Variants in CTXND2 observed in about 807,000 individuals in gnomAD.
CTXND2 encodes cortexin domain containing 2.
At chr1:150,900,070 G>T (rs1031169395) in intron 1 of CTXND2, among the ~76,000 whole-genome samples, 1 of 152,114 alleles carries the variant, frequency 6.6e-6, no homozygotes, top group African/African-American at 2.4e-5. Context: ...AAAGCTGGCC[G>T]CCTGAGCCAG....
At chr1:150,894,845 G>A (rs2102595204) in intron 1 of CTXND2, among the ~76,000 whole-genome samples, 1 of 152,108 alleles carries the variant, frequency 6.6e-6, no homozygotes, top group East Asian at 1.9e-4. Context: ...AGACCAGCCT[G>A]GCCAACATGG....
At chr1:150,899,441 TA>T (rs1310585779) in intron 1 of CTXND2, among the ~76,000 whole-genome samples, 2 of 151,970 alleles carry the variant, frequency 1.3e-5, no homozygotes, top group Admixed American at 6.6e-5. Context: ...TCTGTATTTT[TA>T]AAAATTTAAA....
chr1:150,912,658 T>C (rs1669275565), exon 2 of CTXND2: 2 of 393,160 alleles, frequency 5.1e-6, no homozygotes, highest in South Asian at 1.4e-4. Context: ...TAAAGTGAGA[T>C]AAAGGTTGAA....
At chr1:150,900,898 T>C (rs1319461837) in intron 1 of CTXND2, among the ~76,000 whole-genome samples, 3 of 152,070 alleles carry the variant, frequency 2.0e-5, no homozygotes, top group Non-Finnish European at 4.4e-5. Flanking sequence ...GAGGATCACT[T>C]AAGTCCAGGA....
At chr1:150,909,923 G>A (rs1368994587) in intron 1 of CTXND2, among the ~76,000 whole-genome samples, 1 of 152,094 alleles carries the variant, frequency 6.6e-6, no homozygotes, top group East Asian at 1.9e-4. Flanking sequence ...CAGGAACTCA[G>A]GAGGCCAAGA....
chr1:150,908,583 C>T (rs1349833669), intron 1 of CTXND2, among the ~76,000 whole-genome samples: 1 of 152,024 alleles, frequency 6.6e-6, no homozygotes, highest in Non-Finnish European at 1.5e-5. Flanking sequence ...AATTTCTATT[C>T]ATATCCTTTG....
intron 1 of CTXND2, among the ~76,000 whole-genome samples, chr1:150,895,407 G>A (rs750503837): frequency 6.6e-6 from 1 of 151,566 alleles, no homozygotes; most frequent in African/African-American, 2.4e-5. Context: ...GCAGAGACGC[G>A]ATCTCAGCTC....
intron 1 of CTXND2, among the ~76,000 whole-genome samples, chr1:150,904,555 G>C (rs1409939538): frequency 6.6e-6 from 1 of 152,126 alleles, no homozygotes; most frequent in East Asian, 1.9e-4. Context: ...TATATAACTG[G>C]TTATGTGAAT....
At chr1:150,893,831 T>C (rs1487500955) in intron 1 of CTXND2, among the ~76,000 whole-genome samples, 8 of 152,098 alleles carry the variant, frequency 5.3e-5, no homozygotes, top group Non-Finnish European at 1.0e-4. Context: ...GTGGGGGTTA[T>C]TTATGTCCTA....
intron 1 of CTXND2, among the ~76,000 whole-genome samples, chr1:150,896,117 T>G (rs779439967): frequency 6.6e-6 from 1 of 152,190 alleles, no homozygotes; most frequent in Non-Finnish European, 1.5e-5. Context: ...TCTTTTTTCC[T>G]CTGGAAAGGA....
At chr1:150,911,582 G>A (rs187407917) in intron 1 of CTXND2, among the ~76,000 whole-genome samples, 35 of 151,908 alleles carry the variant, frequency 2.3e-4, no homozygotes, top group African/African-American at 6.5e-4. Flanking sequence ...ACAGGTGCCC[G>A]CCATCACACC....
intron 1 of CTXND2, among the ~76,000 whole-genome samples, chr1:150,907,010 A>G (rs1208631898): frequency 6.6e-6 from 1 of 152,184 alleles, no homozygotes; most frequent in Non-Finnish European, 1.5e-5. Flanking sequence ...ACAGTTGGCC[A>G]CAGCTGATTC....
chr1:150,894,393 G>A (rs1310386007), intron 1 of CTXND2, among the ~76,000 whole-genome samples: 1 of 152,144 alleles, frequency 6.6e-6, no homozygotes, highest in East Asian at 1.9e-4. Flanking sequence ...AATCAAGCTT[G>A]TTAATTGTAT....
chr1:150,909,170 A>G (rs1081513), intron 1 of CTXND2, among the ~76,000 whole-genome samples: 147,272 of 149,236 alleles, frequency 0.99, 72,704 homozygotes, highest in East Asian at 1. Context: ...CCTGGGAGGC[A>G]GAGGTTGCAG....
chr1:150,900,984 C>T (rs1485565785), intron 1 of CTXND2, among the ~76,000 whole-genome samples: 2 of 152,104 alleles, frequency 1.3e-5, no homozygotes, highest in African/African-American at 2.4e-5. Flanking sequence ...TGGTGGCATG[C>T]ACCTGTAGTC....
At chr1:150,908,741 G>C (rs1184719050) in intron 1 of CTXND2, among the ~76,000 whole-genome samples, 1 of 151,134 alleles carries the variant, frequency 6.6e-6, no homozygotes, top group Admixed American at 6.6e-5. Context: ...TTCTGCCTCA[G>C]CCTCTCCAGT....
At chr1:150,910,128 T>C (rs587649857) in intron 1 of CTXND2, among the ~76,000 whole-genome samples, 106 of 150,096 alleles carry the variant, frequency 7.1e-4, no homozygotes, top group Non-Finnish European at 6.1e-4. Context: ...CTGTTTTTTT[T>C]TTTTCTTTTT....
At chr1:150,891,363 G>A (rs1177697067) in intron 1 of CTXND2, among the ~76,000 whole-genome samples, 1 of 151,956 alleles carries the variant, frequency 6.6e-6, no homozygotes, top group East Asian at 1.9e-4. Flanking sequence ...ACAGGCACCC[G>A]CCACCATGCC....
intron 1 of CTXND2, among the ~76,000 whole-genome samples, chr1:150,898,754 C>CAAA (rs34434799): frequency 3.7e-5 from 3 of 81,208 alleles, no homozygotes; most frequent in Non-Finnish European, 7.1e-5. Flanking sequence ...GATTCTGACT[C>CAAA]AAAAAAAAAA....
Sources: allele counts gnomAD v4.1 joint callset (sites outside exome capture counted in the v4.1 genomes callset), GRCh38; gene constraint gnomAD v4.1.1; transcripts MANE v1.5; gene names NCBI Gene and HGNC (gene_info 2026-07-23, HGNC 2026-07-21).